The following STON2 variants were observed in gnomAD, a reference collection of about 807,000 sequenced individuals.
STON2 encodes stonin 2.
In STON2, 29 loss-of-function variants were observed where a neutral mutation model predicts 65.7. The ratio of observed to expected loss-of-function variants is 0.44; its 90% CI spans 0.33 to 0.60. STON2 has a LOEUF of 0.60. STON2 is among the 20% of genes least tolerant of loss of function. The pLI is 0.03. For synonymous variants in STON2, 404 were observed against 414.2 expected (o/e 0.98, Z 0.30); for missense variants, 1,054 against 1,118.1 (o/e 0.94, Z 0.82).
At chr14:81,357,264 G>T (rs1898280431) in intron 4 of STON2, among the ~76,000 whole-genome samples, 1 of 151,700 alleles carries the variant, frequency 6.6e-6, no homozygotes, top group Admixed American at 6.6e-5. Flanking sequence ...CTTCTCAAAA[G>T]AAGACATTTA....
In STON2 at chr14:81,278,010, A is replaced by G; in HGVS notation, c.1472T>C (p.Ile491Thr). 4 of 1,614,072 alleles carry G rather than the reference A, an allele frequency of 2.5e-6. No individual in the cohort carries two copies. The highest frequency in any genetic ancestry group is 3.4e-6 in the Non-Finnish European group (4 of 1,180,022). The change falls in exon 6 of 8, where the codon ATC becomes ACC. Residue 491 changes from isoleucine (I) to threonine (T), a missense_variant. Physicochemically the swap from Ile to Thr is moderately conservative, Grantham distance 89. Transcript: ENST00000614646. ...PRDGWPMMLRIPEKKNIMSSR... is the reference protein window; with the variant it reads ...PRDGWPMMLRTPEKKNIMSSR... ...GGACATGATGTTTTTCTTCTCAGGGATCCTCAACATCATTGGCCACCCGTC... is the reference window on the plus strand; with the variant it reads ...GGACATGATGTTTTTCTTCTCAGGGGTCCTCAACATCATTGGCCACCCGTC...
At chr14:81,390,382 G>A (rs1900023434) in intron 3 of STON2, among the ~76,000 whole-genome samples, 1 of 152,096 alleles carries the variant, frequency 6.6e-6, no homozygotes, top group Non-Finnish European at 1.5e-5. Flanking sequence ...ACACCTAGCA[G>A]AACTATACAG....
intron 4 of STON2, among the ~76,000 whole-genome samples, chr14:81,329,941 A>G (rs1437907542): frequency 1.3e-5 from 2 of 152,212 alleles, no homozygotes; most frequent in South Asian, 4.1e-4. Flanking sequence ...GTTGGCACTG[A>G]TATGTTAGGA....
chr14:81,370,410 G>A (rs1161430497), intron 4 of STON2, among the ~76,000 whole-genome samples: 1 of 152,194 alleles, frequency 6.6e-6, no homozygotes, highest in Middle Eastern at 3.2e-3. Context: ...AAGAAAGCCA[G>A]CATTCCATCT....
chr14:81,364,850 C>A (rs977849507), intron 4 of STON2, among the ~76,000 whole-genome samples: 1 of 152,024 alleles, frequency 6.6e-6, no homozygotes, highest in Non-Finnish European at 1.5e-5. Flanking sequence ...GGGATGCAGA[C>A]GATTTTAGCC....
intron 4 of STON2, among the ~76,000 whole-genome samples, chr14:81,347,475 T>C (rs923700910): frequency 4.6e-5 from 7 of 152,014 alleles, no homozygotes; most frequent in African/African-American, 1.2e-4. Context: ...TGGCTTTACA[T>C]TGAATTCTAC....
chr14:81,303,021 T>C (rs925824145), intron 5 of STON2, among the ~76,000 whole-genome samples: 1 of 151,928 alleles, frequency 6.6e-6, no homozygotes, highest in Non-Finnish European at 1.5e-5. Context: ...AGACTGATTA[T>C]ATGGAATGGA....
intron 3 of STON2, among the ~76,000 whole-genome samples, chr14:81,377,851 G>GTT (rs369875099): frequency 1.6e-4 from 23 of 143,458 alleles, no homozygotes; most frequent in African/African-American, 4.8e-4. Context: ...TCATTTTTTT[G>GTT]TTTTTTTTTT....
chr14:81,353,082 C>T (rs762646703), intron 4 of STON2, among the ~76,000 whole-genome samples: 2 of 152,108 alleles, frequency 1.3e-5, no homozygotes, highest in Non-Finnish European at 2.9e-5. Context: ...AGAGAGCATT[C>T]TTCCACTGCA....
At chr14:81,425,610 G>A (rs1428961390) in intron 2 of STON2, among the ~76,000 whole-genome samples, 1 of 152,032 alleles carries the variant, frequency 6.6e-6, no homozygotes, top group East Asian at 1.9e-4. Context: ...AGTATCTTAG[G>A]GAAGAGTGAG....
chr14:81,389,461 G>T (rs1899975233), intron 3 of STON2, among the ~76,000 whole-genome samples: 1 of 152,226 alleles, frequency 6.6e-6, no homozygotes, highest in Admixed American at 6.5e-5. Context: ...GCCCAAAATA[G>T]ATCTAACATC....
intron 4 of STON2, among the ~76,000 whole-genome samples, chr14:81,356,333 T>C (rs559628179): frequency 3.6e-4 from 55 of 152,338 alleles, no homozygotes; most frequent in African/African-American, 1.2e-3. Flanking sequence ...TATATTGAAC[T>C]AGCCTTGCAT....
chr14:81,338,237 C>A (rs373187714), intron 4 of STON2, among the ~76,000 whole-genome samples: 74 of 152,310 alleles, frequency 4.9e-4, no homozygotes, highest in Middle Eastern at 3.4e-3. Context: ...AGGATTGGAA[C>A]TTGCAGCCTC....
chr14:81,414,971 G>A (rs1901354841), intron 2 of STON2, among the ~76,000 whole-genome samples: 1 of 152,118 alleles, frequency 6.6e-6, no homozygotes, highest in Non-Finnish European at 1.5e-5. Context: ...TCAAATGGCA[G>A]AATGTGGAAA....
At chr14:81,375,352 A>G (rs752472672) in intron 3 of STON2, among the ~76,000 whole-genome samples, 1 of 152,110 alleles carries the variant, frequency 6.6e-6, no homozygotes, top group Non-Finnish European at 1.5e-5. Context: ...CTAAAATACA[A>G]AGGATTATCA....
In STON2 at chr14:81,270,867, C is replaced by T. The variant is rs200826224; in HGVS notation, c.2587G>A (p.Gly863Ser). ...TGGCAAAAGAAACAGTGTGGGTGAC[C>T]GGAAGCTATGAAAGAAAGACAATCG... ...NRLPDKNSAS[G>S]HPHCFFCHLE... Residue 863 changes from glycine (G) to serine (S), a missense_variant, in exon 7 of 8, where the codon GGT becomes AGT. Transcript: ENST00000614646. 39 of 1,612,110 alleles carry T rather than the reference C, an allele frequency of 2.4e-5. No individual in the cohort carries two copies. The highest frequency in any genetic ancestry group is 2.4e-4 in the African/African-American group (18 of 74,772).
At chr14:81,301,278 T>C (rs1895959085) in intron 5 of STON2, among the ~76,000 whole-genome samples, 1 of 152,194 alleles carries the variant, frequency 6.6e-6, no homozygotes. Context: ...AAACATAATG[T>C]CAGCCAAAAA....
At chr14:81,285,974 C>A (rs1323507113) in intron 5 of STON2, among the ~76,000 whole-genome samples, 1 of 152,114 alleles carries the variant, frequency 6.6e-6, no homozygotes, top group Non-Finnish European at 1.5e-5. Context: ...ATGGCAAAAC[C>A]CCATCTCTAC....
rs113146756 is a variant in STON2, at chr14:81,287,881, T to C, written c.743-9142A>G. 3.6e-3 allele frequency among the ~76,000 whole-genome samples: 555 copies of C among 152,250 alleles called. 6 individuals are homozygous for C. The highest frequency in any genetic ancestry group is 0.013 in the African/African-American group (524 of 41,544). On this transcript the variant is annotated intron_variant, in intron 5 of 7. Transcript: ENST00000614646. ...CCTGCCTCAATGTGCCTTTCTGATATCCGTTTCTTGGGCTGTCTTAGATGA... is the reference window on the plus strand; with the variant it reads ...CCTGCCTCAATGTGCCTTTCTGATACCCGTTTCTTGGGCTGTCTTAGATGA...
Sources: gnomAD v4.1 joint callset for allele counts (sites outside exome capture counted in the v4.1 genomes callset) on GRCh38, gnomAD v4.1.1 for gene constraint, MANE v1.5 for transcripts, NCBI Gene and HGNC (gene_info 2026-07-23, HGNC 2026-07-21) for gene names.